The following PCSK5 variants were observed in gnomAD, a reference collection of about 807,000 sequenced individuals.
The protein encoded by PCSK5 is prohormone convertase 5.
A neutral mutation model predicts 233.2 loss-of-function variants in PCSK5; 129 were observed. The ratio of observed to expected loss-of-function variants is 0.55; its 90% confidence interval spans 0.48 to 0.64. The LOEUF is 0.64. PCSK5 is among the 30% of genes least tolerant of loss of function. The pLI is 0.00. For synonymous variants in PCSK5, 825 were observed against 879.2 expected (o/e 0.94, Z 1.09); for missense variants, 2,076 against 2,430.1 (o/e 0.85, Z 3.06).
intron 33 of PCSK5, among the ~76,000 whole-genome samples, chr9:76,330,496 C>T (rs1239455216): frequency 6.6e-6 from 1 of 152,054 alleles, no homozygotes; most frequent in East Asian, 1.9e-4. Context: ...TGCCTGTAAT[C>T]CCAGCACTTT....
intron 7 of PCSK5, among the ~76,000 whole-genome samples, chr9:76,088,568 T>G (rs1049960820): frequency 1.3e-5 from 2 of 152,230 alleles, no homozygotes; most frequent in Non-Finnish European, 2.9e-5. Flanking sequence ...TTCAAGTTAC[T>G]TGTGGATTTT....
intron 2 of PCSK5, among the ~76,000 whole-genome samples, chr9:75,975,532 A>AT (rs1825980353): frequency 6.6e-6 from 1 of 152,066 alleles, no homozygotes; most frequent in Admixed American, 6.5e-5. Flanking sequence ...GAATTGAACA[A>AT]TTTCTCTACT....
chr9:75,933,643 G>A (rs2131285360), intron 2 of PCSK5, among the ~76,000 whole-genome samples: 1 of 152,216 alleles, frequency 6.6e-6, no homozygotes, highest in Non-Finnish European at 1.5e-5. Flanking sequence ...TTATGAAATT[G>A]TAACTTGGCT....
rs180910983 is a variant in PCSK5 at position 76,121,551 on chromosome 9, A to G, written c.1209-12558A>G. Among the ~76,000 whole-genome samples the G allele has an allele frequency of 5.9e-5, 9 of 152,304 alleles. No homozygotes were observed. The East Asian group carries it at 7.7e-4, about 13-fold the overall frequency. ...GGTATATTTCATGTAATTCTCATCT[A>G]TAAGGTAACATGGGTAGTAAACGGA... On this transcript the variant is annotated intron_variant, in intron 9 of 37. Transcript: ENST00000674117.
intron 3 of PCSK5, among the ~76,000 whole-genome samples, chr9:76,001,659 A>G (rs1453663690): frequency 6.6e-6 from 1 of 152,156 alleles, no homozygotes; most frequent in East Asian, 1.9e-4. Flanking sequence ...TGAAGGGATG[A>G]CATTAACTCT....
intron 7 of PCSK5, among the ~76,000 whole-genome samples, chr9:76,077,600 A>G (rs988664349): frequency 6.6e-6 from 1 of 151,998 alleles, no homozygotes; most frequent in African/African-American, 2.4e-5. Flanking sequence ...TGTTCCCATC[A>G]TTATGTCCAT....
chr9:75,970,106 C>T (rs188522528), intron 2 of PCSK5, among the ~76,000 whole-genome samples: 2 of 152,212 alleles, frequency 1.3e-5, no homozygotes, highest in East Asian at 1.9e-4. Flanking sequence ...CTCCTGACCT[C>T]AGTTGATCCG....
At chr9:76,068,609 A>G (rs11144739) in intron 6 of PCSK5, among the ~76,000 whole-genome samples, 37,585 of 152,086 alleles carry the variant, frequency 0.25, 5,071 homozygotes, top group South Asian at 0.33. Context: ...TGTATACGTA[A>G]AAACTCAATT....
At chr9:76,159,864 C>T (rs117635919) in intron 12 of PCSK5, among the ~76,000 whole-genome samples, 2,885 of 142,020 alleles carry the variant, frequency 0.02, 42 homozygotes, top group Non-Finnish European at 0.032. Flanking sequence ...CACTCTGTCT[C>T]CAGGCTGGAG....
At chr9:76,228,969 T>C (rs1238507141) in intron 21 of PCSK5, among the ~76,000 whole-genome samples, 1 of 152,108 alleles carries the variant, frequency 6.6e-6, no homozygotes, top group Non-Finnish European at 1.5e-5. Flanking sequence ...TATCATAGGT[T>C]TGGCTCTCCA....
chr9:76,115,014 A>G (rs1832368463), intron 9 of PCSK5, among the ~76,000 whole-genome samples: 2 of 152,102 alleles, frequency 1.3e-5, no homozygotes, highest in Non-Finnish European at 2.9e-5. Context: ...TTGTAGGTAT[A>G]GCCAACAGGT....
intron 2 of PCSK5, among the ~76,000 whole-genome samples, chr9:75,977,247 G>A (rs1338193355): frequency 1.3e-5 from 2 of 151,982 alleles, no homozygotes; most frequent in African/African-American, 2.4e-5. Flanking sequence ...AAGTTCAGGG[G>A]TACTTGTGCA....
intron 17 of PCSK5, 142 bp downstream of exon 17, chr9:76,184,899 C>T: frequency 5.8e-6 from 3 of 516,708 alleles, no homozygotes; most frequent in Non-Finnish European, 1.0e-5. Context: ...CACTTGATTG[C>T]TATTTGCATT....
At chr9:76,354,878 TG>T (rs754018104) in intron 37 of PCSK5, among the ~76,000 whole-genome samples, 5 of 152,230 alleles carry the variant, frequency 3.3e-5, no homozygotes, top group African/African-American at 4.8e-5. Flanking sequence ...GAATTTACTT[TG>T]TTCCTTTTTT....
intron 2 of PCSK5, among the ~76,000 whole-genome samples, chr9:75,983,318 C>T (rs1826361422): frequency 6.6e-6 from 1 of 151,914 alleles, no homozygotes; most frequent in Admixed American, 6.6e-5. Context: ...TTGCTTGCCC[C>T]ATGTGTAGTG....
At position 76,359,046 on chromosome 9, in the gene PCSK5, G is replaced by A. The variant is rs879298477; in HGVS notation, c.*124G>A. 25 of 709,528 alleles carry A rather than the reference G, an allele frequency of 3.5e-5. No individual in the cohort carries two copies. Among genetic ancestry groups the A allele is most frequent in the Non-Finnish European group, 5.6e-5 (24 of 426,332 alleles). The allele number at this position is 709,528 out of a possible 1,614,324, so 44.0% of individuals were successfully genotyped here. A position where few individuals can be genotyped will look rare whatever the true frequency, so the allele number is the denominator to read the frequency against. ...TTTTCTATTTGTCTTCTTTAACCAT[G>A]AGTCCAACCAGAATATGTAAGAATG... On this transcript the variant is annotated 3_prime_UTR_variant, in exon 38 of 38. Transcript: ENST00000674117.
chr9:76,173,900 G>GTGACTA (rs1241620904), intron 13 of PCSK5, among the ~76,000 whole-genome samples: 1 of 152,010 alleles, frequency 6.6e-6, no homozygotes, highest in African/African-American at 2.4e-5. Flanking sequence ...CTTGAACCAG[G>GTGACTA]GAGTCAGGGG....
chr9:76,160,404 C>CA (rs1422871942), intron 12 of PCSK5, among the ~76,000 whole-genome samples: 1 of 152,188 alleles, frequency 6.6e-6, no homozygotes, highest in African/African-American at 2.4e-5. Flanking sequence ...TTCTAAATGA[C>CA]AAACCACAGC....
intron 3 of PCSK5, among the ~76,000 whole-genome samples, chr9:76,021,085 G>A (rs1239252967): frequency 6.6e-6 from 1 of 152,218 alleles, no homozygotes; most frequent in Non-Finnish European, 1.5e-5. Context: ...TTTGCTGGCA[G>A]TGTATCTTGG....
Sources: gnomAD v4.1 joint callset for allele counts (sites outside exome capture counted in the v4.1 genomes callset) on GRCh38, gnomAD v4.1.1 for gene constraint, MANE v1.5 for transcripts, NCBI Gene and HGNC (gene_info 2026-07-23, HGNC 2026-07-21) for gene names.